The following SEMA6A variants were observed in gnomAD, a reference collection of about 807,000 sequenced individuals.
SEMA6A encodes semaphorin 6A, also known as semaphorin-6A.
Under a neutral mutation model 96.8 loss-of-function variants are expected in SEMA6A, and 25 were observed. That is an observed-to-expected ratio of 0.26 (90% CI 0.19 to 0.36). The LOEUF (loss-of-function observed/expected upper bound fraction) is 0.36, where lower values mean the gene tolerates loss of function less well. Among genes scored for constraint, SEMA6A ranks in the 10% least tolerant of loss-of-function variants. The probability of loss-of-function intolerance (pLI) is 1.00; values close to 1 mark genes in which losing one functional copy is unlikely to be tolerated. For missense variants in SEMA6A, 1,363 were observed against 1,323.1 expected (o/e 1.03, Z -0.47); for synonymous variants, 612 against 518.0 (o/e 1.18, Z -2.46).
At chr5:116,515,849 T>G (rs1758644284) in intron 1 of SEMA6A, among the ~76,000 whole-genome samples, 1 of 152,160 alleles carries the variant, frequency 6.6e-6, no homozygotes, top group African/African-American at 2.4e-5. Flanking sequence ...CCTACAGAAT[T>G]AATAACAACC....
intron 1 of SEMA6A, among the ~76,000 whole-genome samples, chr5:116,519,168 T>C (rs183979330): frequency 1.6e-3 from 245 of 152,282 alleles, no homozygotes; most frequent in Admixed American, 3.7e-3. Context: ...AGCTCCAGTC[T>C]TGCAAGATTC....
chr5:116,554,379 T>C (rs1206901811), intron 1 of SEMA6A, among the ~76,000 whole-genome samples: 1 of 152,214 alleles, frequency 6.6e-6, no homozygotes, highest in Non-Finnish European at 1.5e-5. Flanking sequence ...TATCTAATGA[T>C]TTATGGGGCA....
intron 4 of SEMA6A, 72 bp from the exon 5 acceptor site, chr5:116,496,385 C>A: frequency 7.8e-7 from 1 of 1,274,046 alleles, no homozygotes; most frequent in South Asian, 1.2e-5. Flanking sequence ...TAAGAGTTCC[C>A]TTGGGGAGAC....
chr5:116,449,173 A>G, intron 18 of SEMA6A: 1 of 577,108 alleles, frequency 1.7e-6, no homozygotes, highest in Non-Finnish European at 3.1e-6. Flanking sequence ...TGCTTGATGC[A>G]GTCGCTAAAA....
At chr5:116,537,474 C>G (rs1049402394) in intron 1 of SEMA6A, among the ~76,000 whole-genome samples, 1 of 152,156 alleles carries the variant, frequency 6.6e-6, no homozygotes, top group Non-Finnish European at 1.5e-5. Context: ...TCAGTCTAAT[C>G]TGAACTAGAA....
chr5:116,548,900 A>G (rs751859430), intron 1 of SEMA6A, among the ~76,000 whole-genome samples: 27 of 152,230 alleles, frequency 1.8e-4, no homozygotes, highest in Admixed American at 1.3e-4. Flanking sequence ...TCTATCTGCA[A>G]TTTCTACTTC....
rs534677641 is a variant in SEMA6A, at chr5:116,466,246, C to T, written c.1894+1337G>A. On this transcript the variant is annotated intron_variant, in intron 18 of 18. Coordinates refer to ENST00000343348, the MANE Select transcript of SEMA6A (RefSeq NM_020796.5). ...TACAAAAATTAGCCGGGCATGGTGG[C>T]GGGCACCTATAATCCCAGCTACTTG... is the stretch of plus-strand genomic sequence containing the variant. Among the ~76,000 whole-genome samples, 13 of 151,420 alleles carry T rather than the reference C, an allele frequency of 8.6e-5. No homozygotes were observed. The South Asian group carries it at 1.3e-3, about 15-fold the overall frequency.
At chr5:116,491,542 AAC>A (rs1422402554) in intron 7 of SEMA6A, among the ~76,000 whole-genome samples, 196 bp downstream of exon 7, 2 of 152,150 alleles carry the variant, frequency 1.3e-5, no homozygotes, top group African/African-American at 4.8e-5. Context: ...TGAAGGCACA[AAC>A]ACATGGGTAA....
chr5:116,465,806 T>A (rs1265586168), intron 18 of SEMA6A, among the ~76,000 whole-genome samples: 1 of 152,138 alleles, frequency 6.6e-6, no homozygotes, highest in Non-Finnish European at 1.5e-5. Context: ...AATGCTTTAT[T>A]GGAAAGGCTG....
chr5:116,453,049 C>T (rs1050436826), intron 18 of SEMA6A, among the ~76,000 whole-genome samples: 29 of 152,200 alleles, frequency 1.9e-4, no homozygotes, highest in African/African-American at 7.0e-4. Context: ...TTGAGCTAAG[C>T]CTTAAAGATG....
At chr5:116,511,906 T>C (rs2112793109) in intron 1 of SEMA6A, among the ~76,000 whole-genome samples, 1 of 152,308 alleles carries the variant, frequency 6.6e-6, no homozygotes, top group East Asian at 1.9e-4. Flanking sequence ...CCTGCTTCAG[T>C]AGCTGATAGG....
chr5:116,560,546 T>C (rs1407759778), intron 1 of SEMA6A, among the ~76,000 whole-genome samples: 2 of 151,792 alleles, frequency 1.3e-5, no homozygotes, highest in Non-Finnish European at 2.9e-5. Context: ...GCAGTCTATT[T>C]CATTCCTTGC....
chr5:116,515,621 T>G (rs1358740174), intron 1 of SEMA6A, among the ~76,000 whole-genome samples: 1 of 152,140 alleles, frequency 6.6e-6, no homozygotes, highest in Admixed American at 6.6e-5. Context: ...CTTAGAGGAT[T>G]TAAACTAAAA....
In SEMA6A at chr5:116,447,086, G is replaced by C; in HGVS notation, c.2620C>G (p.Leu874Val). 6.2e-7 allele frequency: 1 copy of C among 1,613,962 alleles called. No individual in the cohort carries two copies. Among genetic ancestry groups the C allele is most frequent in the Non-Finnish European group, 8.5e-7 (1 of 1,179,886 alleles). Residue 874 changes from leucine (L) to valine (V), a missense_variant, in exon 19 of 19, where the codon CTG becomes GTG. Physicochemically the swap from Leu to Val is conservative, Grantham distance 32 (BLOSUM62 1). This residue lies in a region of SEMA6A where 883 missense variants were observed against 763.6 expected (regional missense o/e 1.16). Transcript: ENST00000343348. ...GGAACTTTGGGGGGCAGGCTGTCCA[G>C]GTTCTCCACAAGGTTCACCCCATGG... Reference protein sequence around the residue: ...PNHGVNLVENLDSLPPKVPQR... With the variant: ...PNHGVNLVENVDSLPPKVPQR...
chr5:116,447,128 T>C lies in SEMA6A; in HGVS notation c.2578A>G (p.Ser860Gly). 2 of 1,613,734 alleles carry C rather than the reference T, an allele frequency of 1.2e-6. No individual in the cohort carries two copies. Among genetic ancestry groups the C allele is most frequent in the Non-Finnish European group, 1.7e-6 (2 of 1,179,662 alleles). ...ACCCCATGGTTGGGACTCTTGCTGC[T>C]GAGATGTTCCTTGATGGTCTTATAC... The part of the protein sequence containing the change: ...LEYKTIKEHL[S>G]SKSPNHGVNL... The change falls in exon 19 of 19, where the codon AGC becomes GGC. Residue 860 changes from serine (S) to glycine (G), a missense_variant. By Grantham distance (56) the Ser-to-Gly change is moderately conservative. Transcript: ENST00000343348.
intron 7 of SEMA6A, among the ~76,000 whole-genome samples, chr5:116,489,508 C>T (rs1169884122): frequency 2.0e-5 from 3 of 152,184 alleles, no homozygotes; most frequent in Non-Finnish European, 2.9e-5. Context: ...TAAGCAAAAA[C>T]GGGCTGACTA....
At chr5:116,573,753 G>C (rs1309819285) in intron 1 of SEMA6A, among the ~76,000 whole-genome samples, 1 of 152,050 alleles carries the variant, frequency 6.6e-6, no homozygotes, top group African/African-American at 2.4e-5. Flanking sequence ...CAGCCCTCGA[G>C]GGCAGAACCC....
chr5:116,535,862 T>C (rs895314185), intron 1 of SEMA6A, among the ~76,000 whole-genome samples: 2 of 152,256 alleles, frequency 1.3e-5, no homozygotes, highest in African/African-American at 4.8e-5. Context: ...AAGTCTTTTA[T>C]GCCATTCTAA....
At chr5:116,525,723 C>T (rs1019170615) in intron 1 of SEMA6A, among the ~76,000 whole-genome samples, 1 of 152,084 alleles carries the variant, frequency 6.6e-6, no homozygotes, top group African/African-American at 2.4e-5. Flanking sequence ...AGTACCGTGC[C>T]AATGTAAAAA....
Sources: allele counts gnomAD v4.1 joint callset (sites outside exome capture counted in the v4.1 genomes callset), GRCh38; gene constraint gnomAD v4.1.1; regional missense constraint gnomAD v4.1.1; transcripts MANE v1.5; gene names NCBI Gene and HGNC (gene_info 2026-07-23, HGNC 2026-07-21).